EPHA7: variants seen among roughly 807,000 people sequenced by gnomAD.
The protein encoded by EPHA7 is ephrin type-A receptor 7.
EPHA7 carries 25 observed loss-of-function variants against 112.6 expected under a neutral mutation model. The observed-to-expected ratio is 0.22, with a 90% CI of 0.16 to 0.31. The LOEUF (loss-of-function observed/expected upper bound fraction) is 0.31, where lower values mean the gene tolerates loss of function less well. Ranked by LOEUF, EPHA7 falls within the 10% of genes least tolerant of loss-of-function variation. The pLI, the probability that EPHA7 is intolerant of heterozygous loss-of-function variation, is 1.00. For synonymous variants in EPHA7, 437 were observed against 406.5 expected (o/e 1.07, Z -0.90); for missense variants, 962 against 1,212.6 (o/e 0.79, Z 3.07).
intron 15 of EPHA7, among the ~76,000 whole-genome samples, chr6:93,245,731 T>TCAGCA (rs1769916314): frequency 1.3e-5 from 2 of 152,188 alleles, no homozygotes; most frequent in South Asian, 4.1e-4. Context: ...AATCAGTAAA[T>TCAGCA]AATTGTTCAT....
intron 5 of EPHA7, among the ~76,000 whole-genome samples, chr6:93,323,342 T>C (rs1774169833): frequency 6.6e-6 from 1 of 151,452 alleles, no homozygotes; most frequent in Non-Finnish European, 1.5e-5. Flanking sequence ...TTTAGGACTC[T>C]TGTCATTCTT....
At chr6:93,337,190 G>C (rs911889738) in intron 5 of EPHA7, among the ~76,000 whole-genome samples, 1 of 152,142 alleles carries the variant, frequency 6.6e-6, no homozygotes, top group Non-Finnish European at 1.5e-5. Context: ...CCAGAACACT[G>C]AAGAAAGATC....
chr6:93,265,525 C>G (rs901810463), intron 7 of EPHA7, among the ~76,000 whole-genome samples: 4 of 151,590 alleles, frequency 2.6e-5, no homozygotes, highest in African/African-American at 9.7e-5. Flanking sequence ...CTTATCACTT[C>G]CATTTTTCCA....
intron 6 of EPHA7, among the ~76,000 whole-genome samples, chr6:93,270,772 G>A (rs145378583): frequency 6.6e-6 from 1 of 151,766 alleles, no homozygotes; most frequent in Non-Finnish European, 1.5e-5. Context: ...ATGATAGTTT[G>A]TATTACATGT....
At chr6:93,406,707 C>T (rs1267467071) in intron 3 of EPHA7, among the ~76,000 whole-genome samples, 1 of 151,356 alleles carries the variant, frequency 6.6e-6, no homozygotes, top group Non-Finnish European at 1.5e-5. Context: ...ACTGTCTATG[C>T]AAATCCAAGT....
chr6:93,293,090 A>G (rs189845152), intron 5 of EPHA7, among the ~76,000 whole-genome samples: 2 of 152,018 alleles, frequency 1.3e-5, no homozygotes, highest in South Asian at 4.1e-4. Context: ...AAGATTTTTT[A>G]AAAATATTGA....
At chr6:93,356,638 A>G in intron 5 of EPHA7, 79 bp downstream of exon 5, 2 of 1,316,288 alleles carry the variant, frequency 1.5e-6, no homozygotes, top group Non-Finnish European at 2.1e-6. Flanking sequence ...GTGCAGAGAA[A>G]CTAACTAAAT....
chr6:93,326,363 T>A (rs1318465557), intron 5 of EPHA7, among the ~76,000 whole-genome samples: 1 of 151,360 alleles, frequency 6.6e-6, no homozygotes, highest in Non-Finnish European at 1.5e-5. Context: ...TTAAACATAT[T>A]AAAGAGTGAT....
At chr6:93,295,070 G>GA (rs1167396960) in intron 5 of EPHA7, among the ~76,000 whole-genome samples, 1 of 151,758 alleles carries the variant, frequency 6.6e-6, no homozygotes, top group East Asian at 1.9e-4. Context: ...AGAGAACGAG[G>GA]AAAGGAGGAA....
chr6:93,377,532 A>T (rs1777121766), intron 3 of EPHA7, among the ~76,000 whole-genome samples: 1 of 93,844 alleles, frequency 1.1e-5, no homozygotes, highest in Non-Finnish European at 2.1e-5. Flanking sequence ...GTAAAATAAG[A>T]AAAAAGCTTT....
intron 11 of EPHA7, 103 bp from the exon 12 acceptor site, chr6:93,257,626 A>G (rs1298655570): frequency 7.0e-6 from 5 of 718,212 alleles, no homozygotes; most frequent in Non-Finnish European, 9.3e-6. Flanking sequence ...TGAAAGAGTG[A>G]GTGTGAGAAG....
At chr6:93,283,085 C>G (rs1334523823) in intron 5 of EPHA7, among the ~76,000 whole-genome samples, 4 of 152,222 alleles carry the variant, frequency 2.6e-5, no homozygotes, top group African/African-American at 7.2e-5. Flanking sequence ...CTAGTGGGGA[C>G]TTGGAGAACC....
intron 3 of EPHA7, among the ~76,000 whole-genome samples, chr6:93,394,817 G>T (rs1025652968): frequency 6.6e-6 from 1 of 151,768 alleles, no homozygotes; most frequent in East Asian, 1.9e-4. Flanking sequence ...ATTACCTTCC[G>T]TGAAACTCAG....
intron 5 of EPHA7, among the ~76,000 whole-genome samples, chr6:93,293,867 TAAA>T (rs1772514135): frequency 6.6e-6 from 1 of 152,186 alleles, no homozygotes; most frequent in Non-Finnish European, 1.5e-5. Context: ...TTTTCAATAG[TAAA>T]ATGTTTGCAA....
intron 3 of EPHA7, among the ~76,000 whole-genome samples, chr6:93,392,837 C>G (rs755649542): frequency 3.4e-4 from 51 of 151,674 alleles, no homozygotes; most frequent in Non-Finnish European, 5.9e-4. Context: ...ATTTTTCAGA[C>G]AAGGACTTTA....
At chr6:93,329,743 A>T (rs1472101236) in intron 5 of EPHA7, among the ~76,000 whole-genome samples, 1 of 151,246 alleles carries the variant, frequency 6.6e-6, no homozygotes, top group African/African-American at 2.4e-5. Flanking sequence ...TACTTTTGTT[A>T]TACATATGTT....
At chr6:93,415,946 T>C (rs1488521567) in intron 1 of EPHA7, among the ~76,000 whole-genome samples, 1 of 152,158 alleles carries the variant, frequency 6.6e-6, no homozygotes, top group Admixed American at 6.5e-5. Flanking sequence ...AAGGAACAGT[T>C]GATTATGTGT....
At chr6:93,364,228 A>G (rs538157864) in intron 3 of EPHA7, among the ~76,000 whole-genome samples, 2 of 152,242 alleles carry the variant, frequency 1.3e-5, no homozygotes, top group Non-Finnish European at 2.9e-5. Flanking sequence ...AGCTCTCATT[A>G]TAAAATCCAT....
rs1056840976 is a variant in EPHA7, at chr6:93,358,402, C to T, written c.842G>A (p.Arg281His). The T allele has an allele frequency of 1.5e-5, 24 of 1,604,800 alleles. No individual in the cohort carries two copies. Among genetic ancestry groups the T allele is most frequent in the South Asian group, 5.6e-5 (5 of 89,816 alleles). The change falls in exon 4 of 17, where the codon CGT (arginine) becomes CAT (histidine). Residue 281 changes from arginine (R) to histidine (H), a missense_variant. Around this residue, in one of 3 missense-constraint regions of EPHA7, gnomAD observed 746 missense variants for 889.2 expected, o/e 0.84. Transcript: ENST00000369303. ...QKGDTCEPCG[R>H]GFYKSSSQDL... is the part of the protein sequence containing the mutation. ...TTGAGAGGAAGACTTGTAGAACCCA[C>T]GGCCACAGGCTGGGAATGCAAAAGA... is the stretch of plus-strand genomic sequence containing the variant.
Sources: allele counts gnomAD v4.1 joint callset (sites outside exome capture counted in the v4.1 genomes callset), GRCh38; gene constraint gnomAD v4.1.1; regional missense constraint gnomAD v4.1.1; transcripts MANE v1.5; gene names NCBI Gene and HGNC (gene_info 2026-07-23, HGNC 2026-07-21).